The following ZNF521 variants were observed in gnomAD, a reference collection of about 807,000 sequenced individuals.
The protein encoded by ZNF521 is LYST-interacting protein 3.
ZNF521 carries 14 observed loss-of-function variants against 105.5 expected under a neutral mutation model. The ratio of observed to expected loss-of-function variants is 0.13; its 90% CI spans 0.09 to 0.21. ZNF521 has a LOEUF of 0.21. ZNF521 is among the 10% of genes least tolerant of loss of function. ZNF521 has a pLI of 1.00. For synonymous variants in ZNF521, 635 were observed against 606.0 expected, an observed-to-expected ratio of 1.05 and a Z score of -0.70; for missense variants, 1,233 against 1,629.7, an observed-to-expected ratio of 0.76 and a Z score of 4.19.
At chr18:25,268,566 A>G (rs1909426844) in intron 3 of ZNF521, among the ~76,000 whole-genome samples, 1 of 152,256 alleles carries the variant, frequency 6.6e-6, no homozygotes, top group South Asian at 2.1e-4. Flanking sequence ...AGCCCATCAG[A>G]CTAACAGCGG....
At chr18:25,296,265 A>C (rs1911313110) in intron 3 of ZNF521, among the ~76,000 whole-genome samples, 1 of 152,186 alleles carries the variant, frequency 6.6e-6, no homozygotes, top group African/African-American at 2.4e-5. Context: ...AAGAAAGTAA[A>C]ATTCCTCAAA....
At chr18:25,207,588 C>T (rs1023457196) in intron 4 of ZNF521, among the ~76,000 whole-genome samples, 1 of 152,156 alleles carries the variant, frequency 6.6e-6, no homozygotes, top group Admixed American at 6.5e-5. Context: ...GCTCTCACAC[C>T]CAGCACACTG....
intron 3 of ZNF521, among the ~76,000 whole-genome samples, chr18:25,321,633 C>G (rs1912938926): frequency 6.6e-6 from 1 of 152,172 alleles, no homozygotes; most frequent in Admixed American, 6.5e-5. Flanking sequence ...AGGTTTCCTT[C>G]AGGAAGTGTT....
chr18:25,138,066 G>A (rs903899036), intron 5 of ZNF521, among the ~76,000 whole-genome samples: 3 of 152,074 alleles, frequency 2.0e-5, no homozygotes, highest in Admixed American at 2.0e-4. Flanking sequence ...GCCTCCGCTG[G>A]TAGAACCAGA....
At chr18:25,351,527 TG>T in intron 1 of ZNF521, 1 of 151,148 alleles carries the variant, frequency 6.6e-6, no homozygotes, top group Non-Finnish European at 1.5e-5. Flanking sequence ...CTTTTGTAGT[TG>T]GGGGGACGAG....
intron 5 of ZNF521, among the ~76,000 whole-genome samples, chr18:25,154,072 A>C (rs563698689): frequency 2.0e-5 from 3 of 152,168 alleles, no homozygotes; most frequent in Non-Finnish European, 4.4e-5. Flanking sequence ...CCATCTTCCA[A>C]ATCTGAACCT....
chr18:25,075,034 A>G (rs1470506690), intron 7 of ZNF521, among the ~76,000 whole-genome samples: 1 of 152,198 alleles, frequency 6.6e-6, no homozygotes, highest in East Asian at 1.9e-4. Flanking sequence ...AAAGAAAGAC[A>G]GTCCTGACTA....
chr18:25,255,721 C>T (rs372967105), intron 3 of ZNF521, among the ~76,000 whole-genome samples: 4 of 151,904 alleles, frequency 2.6e-5, no homozygotes, highest in Admixed American at 1.3e-4. Flanking sequence ...TCTCAAGTCT[C>T]GTAACATAGT....
chr18:25,286,585 A>G (rs1047714814), intron 3 of ZNF521, among the ~76,000 whole-genome samples: 13 of 152,346 alleles, frequency 8.5e-5, no homozygotes, highest in Non-Finnish European at 1.0e-4. Context: ...TTGAGAAAAA[A>G]CAAAGGTCAT....
chr18:25,088,434 T>A (rs979689053), intron 7 of ZNF521, among the ~76,000 whole-genome samples: 8 of 152,022 alleles, frequency 5.3e-5, no homozygotes, highest in African/African-American at 1.9e-4. Context: ...TTAGCCAGGA[T>A]GGTATCGATC....
intron 5 of ZNF521, among the ~76,000 whole-genome samples, chr18:25,098,651 T>C (rs2033903305): frequency 6.6e-6 from 1 of 152,138 alleles, no homozygotes; most frequent in South Asian, 2.1e-4. Flanking sequence ...CTGATGTATG[T>C]CCTCCAGGTT....
intron 3 of ZNF521, among the ~76,000 whole-genome samples, chr18:25,265,694 C>G (rs1245591303): frequency 1.3e-5 from 2 of 152,136 alleles, no homozygotes; most frequent in African/African-American, 4.8e-5. Context: ...GGGGCATATA[C>G]CCAAAAGAAA....
At chr18:25,084,551 G>A (rs1599989606) in intron 7 of ZNF521, among the ~76,000 whole-genome samples, 1 of 151,942 alleles carries the variant, frequency 6.6e-6, no homozygotes, top group African/African-American at 2.4e-5. Flanking sequence ...AATTACTACT[G>A]CACTTTGAAT....
chr18:25,292,665 C>A (rs1911101517), intron 3 of ZNF521, among the ~76,000 whole-genome samples: 1 of 152,112 alleles, frequency 6.6e-6, no homozygotes, highest in Non-Finnish European at 1.5e-5. Flanking sequence ...GGGAAACAGC[C>A]CCATTAGACA....
chr18:25,177,691 G>C (rs1600122603), intron 5 of ZNF521, among the ~76,000 whole-genome samples: 2 of 151,992 alleles, frequency 1.3e-5, no homozygotes, highest in Admixed American at 1.3e-4. Context: ...TTTTTAGCTA[G>C]GCAAAAATAT....
chr18:25,216,687 T>C (rs1230837749), intron 4 of ZNF521, among the ~76,000 whole-genome samples: 1 of 151,958 alleles, frequency 6.6e-6, no homozygotes, highest in African/African-American at 2.4e-5. Context: ...GCCTCCTGAG[T>C]AGCTAGAACT....
intron 2 of ZNF521, among the ~76,000 whole-genome samples, chr18:25,322,964 G>A (rs1299785720): frequency 6.6e-6 from 1 of 152,208 alleles, no homozygotes. Flanking sequence ...TACACAAACA[G>A]CAGGGAGAGA....
At chr18:25,115,934 A>C (rs1036982590) in intron 5 of ZNF521, among the ~76,000 whole-genome samples, 1 of 152,232 alleles carries the variant, frequency 6.6e-6, no homozygotes, top group African/African-American at 2.4e-5. Flanking sequence ...TGCTCTAGCT[A>C]TCCTGGCCTA....
chr18:25,077,483 T>G (rs1355069464), intron 7 of ZNF521, among the ~76,000 whole-genome samples: 1 of 152,058 alleles, frequency 6.6e-6, no homozygotes, highest in Non-Finnish European at 1.5e-5. Flanking sequence ...CACATCCGCG[T>G]GCCCCCCACA....
Sources: gnomAD v4.1 joint callset for allele counts (sites outside exome capture counted in the v4.1 genomes callset) on GRCh38, gnomAD v4.1.1 for gene constraint, MANE v1.5 for transcripts, NCBI Gene and HGNC (gene_info 2026-07-23, HGNC 2026-07-21) for gene names.